The following CPNE1 variants were observed in gnomAD, a reference collection of about 807,000 sequenced individuals.
CPNE1 encodes copine 1.
In CPNE1, 58 loss-of-function variants were observed where a neutral mutation model predicts 63.2. The ratio of observed to expected loss-of-function variants is 0.92; its 90% CI spans 0.74 to 1.14. The LOEUF (loss-of-function observed/expected upper bound fraction) is 1.14. Among genes scored for constraint, CPNE1 ranks in the 50% most tolerant of loss-of-function variants. The pLI, the probability that CPNE1 is intolerant of heterozygous loss-of-function variation, is 0.00. For synonymous variants in CPNE1, 237 were observed against 249.0 expected, an observed-to-expected ratio of 0.95 and a Z score of 0.45; for missense variants, 672 against 661.7, an observed-to-expected ratio of 1.02 and a Z score of -0.17.
chr20:35,634,651 A>T (rs1034922572), intron 1 of CPNE1, among the ~76,000 whole-genome samples: 3 of 152,170 alleles, frequency 2.0e-5, no homozygotes, highest in African/African-American at 7.2e-5. Flanking sequence ...AAGGTCCTGG[A>T]AGGTCCAGAT....
intron 1 of CPNE1, chr20:35,653,169 C>G: frequency 6.2e-7 from 1 of 1,613,530 alleles, no homozygotes; most frequent in East Asian, 2.2e-5. Context: ...TAAATGGAGG[C>G]CCATTATTGG....
rs765270865 is a variant in CPNE1 at position 35,632,822 on chromosome 20, C to G, written c.102G>C (p.Gln34His). The change falls in exon 2 of 16, where the codon CAG becomes CAC. Residue 34 changes from glutamine (Q) to histidine (H), a missense_variant. Gln to His is a conservative substitution (Grantham distance 24). Coordinates refer to ENST00000397443, the MANE Select transcript of CPNE1 (RefSeq NM_152925.3). ...SKSDPLCVLL[Q>H]DVGGGSWAEL... is the part of the protein sequence containing the mutation. ...CAGCCCAGCTGCCCCCTCCCACATC[C>G]TGTAAAAGGACGCAGAGTGGGTCAG... The G allele has an allele frequency of 1.1e-6, 1 of 872,784 alleles. No individual in the cohort carries two copies. The highest frequency in any genetic ancestry group is 2.0e-6 in the Non-Finnish European group (1 of 501,570). The allele number at this position is 872,784 out of a possible 1,614,324, so 54.1% of individuals were successfully genotyped here.
chr20:35,650,409 AAAC>A, intron 1 of CPNE1: 1 of 152,770 alleles, frequency 6.5e-6, no homozygotes, highest in Middle Eastern at 3.4e-3. Context: ...TTTCATCTTC[AAAC>A]AACCCATTTT....
At chr20:35,657,993 C>T (rs566743267) in intron 1 of CPNE1, among the ~76,000 whole-genome samples, 1 of 152,080 alleles carries the variant, frequency 6.6e-6, no homozygotes, top group Non-Finnish European at 1.5e-5. Flanking sequence ...ACCCGGGAGG[C>T]AGAGATCACG....
At chr20:35,659,138 C>CAA (rs370328377) in intron 1 of CPNE1, 375 of 271,836 alleles carry the variant, frequency 1.4e-3, no homozygotes, top group Middle Eastern at 2.8e-3. Context: ...GAATGCATAT[C>CAA]AAAAAAAAAA....
chr20:35,652,162 G>A lies in CPNE1; in HGVS notation c.-1+12598C>T, dbSNP rs11554015. The A allele has an allele frequency of 8.7e-3, 1,445 of 166,768 alleles. 12 individuals are homozygous for A. The highest frequency in any genetic ancestry group is 0.014 in the Non-Finnish European group (1,101 of 77,944). The allele number at this position is 166,768 out of a possible 1,614,324, so 10.3% of individuals were successfully genotyped here. On this transcript the variant is annotated intron_variant, in intron 1 of 15. Coordinates refer to ENST00000397443, the MANE Select transcript of CPNE1 (RefSeq NM_152925.3). ...CTTCTATTTTCAGCAGCTGGCAAGA[G>A]CACCCTCAATGAGTTCTACTGACAT...
At chr20:35,659,138 C>CAAAAAAAAAAAAAAA (rs370328377) in intron 1 of CPNE1, 1 of 253,596 alleles carries the variant, frequency 3.9e-6, no homozygotes, top group Non-Finnish European at 6.9e-6. Flanking sequence ...GAATGCATAT[C>CAAAAAAAAAAAAAAA]AAAAAAAAAA....
chr20:35,636,444 C>A (rs575923702), intron 1 of CPNE1, among the ~76,000 whole-genome samples: 1 of 152,146 alleles, frequency 6.6e-6, no homozygotes, highest in Non-Finnish European at 1.5e-5. Context: ...ATCTGAACAA[C>A]GGAATGCTGA....
chr20:35,627,248 C>A (rs1447564420), intron 14 of CPNE1, 32 bp downstream of exon 14: 2 of 1,584,638 alleles, frequency 1.3e-6, no homozygotes, highest in South Asian at 1.1e-5. Context: ...CCCTTGATTG[C>A]CACCACTGCC....
chr20:35,654,210 A>G (rs751841929), intron 1 of CPNE1: 3 of 1,614,276 alleles, frequency 1.9e-6, no homozygotes, highest in South Asian at 2.2e-5. Flanking sequence ...TAACTTCCAC[A>G]TAGCGTTGAA....
At chr20:35,656,241 TG>T (rs931157820) in intron 1 of CPNE1, among the ~76,000 whole-genome samples, 1 of 152,262 alleles carries the variant, frequency 6.6e-6, no homozygotes, top group African/African-American at 2.4e-5. Flanking sequence ...TTTTTGTTTT[TG>T]TTTTAGAACC....
intron 1 of CPNE1, chr20:35,655,406 TA>T: frequency 7.3e-7 from 1 of 1,379,290 alleles, no homozygotes; most frequent in Non-Finnish European, 9.8e-7. Flanking sequence ...AGTTTTTAGC[TA>T]CAAGAATGAC....
chr20:35,626,149 C>CTAG lies in CPNE1; in HGVS notation c.*89_*91dup. ...TAAAAGTATCAAAAAATACAAAGTG[C>CTAG]TAGCACTGAGGAGAGTGAGAAGGGT... On this transcript the variant is annotated 3_prime_UTR_variant, in exon 16 of 16. Coordinates refer to ENST00000397443, the MANE Select transcript of CPNE1 (RefSeq NM_152925.3). 2 of 1,310,738 alleles carry CTAG rather than the reference C, an allele frequency of 1.5e-6. No homozygotes were observed. The highest frequency in any genetic ancestry group is 2.2e-6 in the Non-Finnish European group (2 of 906,082). 81.2% of individuals were successfully genotyped at this position (1,310,738 alleles called of 1,614,324 possible). A position where few individuals can be genotyped will look rare whatever the true frequency, so the allele number is the denominator to read the frequency against.
intron 1 of CPNE1, among the ~76,000 whole-genome samples, chr20:35,661,982 C>A (rs978794824): frequency 6.6e-6 from 1 of 152,142 alleles, no homozygotes; most frequent in East Asian, 1.9e-4. Context: ...ACAGTATAAT[C>A]ACATTATAAT....
intron 1 of CPNE1, among the ~76,000 whole-genome samples, chr20:35,634,787 G>T (rs894065819): frequency 2.6e-5 from 4 of 152,090 alleles, no homozygotes; most frequent in African/African-American, 9.6e-5. Flanking sequence ...CACCCAGGCT[G>T]AAGTGCAGTG....
chr20:35,660,847 T>C (rs6058292), intron 1 of CPNE1, among the ~76,000 whole-genome samples: 10,289 of 152,206 alleles, frequency 0.068, 429 homozygotes, highest in South Asian at 0.18. Context: ...ACTCAAAAGA[T>C]ACCGTATGTC....
At chr20:35,652,601 C>T (rs369772201) in intron 1 of CPNE1, 1 of 1,614,190 alleles carries the variant, frequency 6.2e-7, no homozygotes, top group Non-Finnish European at 8.5e-7. Context: ...GTGGCTTCAT[C>T]CCGAGACTCA....
chr20:35,647,888 A>T (rs1025565029), intron 1 of CPNE1, among the ~76,000 whole-genome samples: 6 of 144,600 alleles, frequency 4.1e-5, no homozygotes, highest in Non-Finnish European at 7.5e-5. Context: ...CCCCGTCTCT[A>T]CTAAAAATGA....
intron 13 of CPNE1, among the ~76,000 whole-genome samples, chr20:35,629,289 T>C (rs1393714849): frequency 6.6e-6 from 1 of 152,176 alleles, no homozygotes; most frequent in Non-Finnish European, 1.5e-5. Flanking sequence ...AAATACAAAA[T>C]TAAAATTTTA....
Sources: allele counts gnomAD v4.1 joint callset (sites outside exome capture counted in the v4.1 genomes callset), GRCh38; gene constraint gnomAD v4.1.1; transcripts MANE v1.5; gene names NCBI Gene and HGNC (gene_info 2026-07-23, HGNC 2026-07-21).